The following IL3RA variants were observed in gnomAD, a reference collection of about 807,000 sequenced individuals.
The protein encoded by IL3RA is interleukin-3 receptor subunit alpha.
In IL3RA, 73 loss-of-function variants were observed where a neutral mutation model predicts 52.3. The observed-to-expected ratio is 1.40, with a 90% CI of 1.16 to 1.70. The LOEUF (loss-of-function observed/expected upper bound fraction) is 1.70. IL3RA is among the 40% of genes most tolerant of loss of function. IL3RA has a pLI of 0.00. For missense variants in IL3RA, 664 were observed against 504.4 expected, an observed-to-expected ratio of 1.32 and a Z score of -3.03; for synonymous variants, 260 against 194.0, an observed-to-expected ratio of 1.34 and a Z score of -2.83.
At chrX:1,361,354 A>T (rs750421422) in intron 8 of IL3RA, among the ~76,000 whole-genome samples, 1 of 152,268 alleles carries the variant, frequency 6.6e-6, no homozygotes, top group South Asian at 2.1e-4. Context: ...TAAACAAAAG[A>T]GGGTTCCTGG....
chrX:1,347,438 C>G lies in IL3RA; in HGVS notation c.184-993C>G, dbSNP rs746373636. On this transcript the variant is annotated intron_variant, in intron 3 of 11. Coordinates refer to ENST00000331035, the MANE Select transcript of IL3RA (RefSeq NM_002183.4). ...CCAGCCTGGGCGACAGAGCGAGACT[C>G]TGTCTCAAAAAAACAAAAACAAAAG... Among the ~76,000 whole-genome samples, 53 of 149,952 alleles carry G rather than the reference C, an allele frequency of 3.5e-4. 1 individual carries two copies. Among genetic ancestry groups the G allele is most frequent in the Non-Finnish European group, 6.2e-4 (42 of 67,978 alleles).
At chrX:1,345,233 C>CAAAAAA in intron 2 of IL3RA, 83 bp from the exon 3 acceptor site, 1 of 682,766 alleles carries the variant, frequency 1.5e-6, no homozygotes, top group South Asian at 2.3e-5. Flanking sequence ...ACTCCACGGG[C>CAAAAAA]AAAAAAAAAA....
chrX:1,341,554 ATGTG>A (rs1193931633), intron 1 of IL3RA, among the ~76,000 whole-genome samples, 170 bp from the exon 2 acceptor site: 17 of 16,202 alleles, frequency 1.0e-3, no homozygotes, highest in Non-Finnish European at 2.4e-3. Flanking sequence ...ATGTGCATGC[ATGTG>A]CAAAGGCGCA....
At chrX:1,365,727 G>C (rs1295565445) in intron 9 of IL3RA, among the ~76,000 whole-genome samples, 1 of 34,604 alleles carries the variant, frequency 2.9e-5, no homozygotes, top group South Asian at 1.3e-3. Context: ...CGGGGTGAGC[G>C]GGGTGCGCGG....
chrX:1,355,898 T>C (rs1267359024), intron 6 of IL3RA, among the ~76,000 whole-genome samples: 1 of 151,956 alleles, frequency 6.6e-6, no homozygotes, highest in Non-Finnish European at 1.5e-5. Flanking sequence ...GGGACAAAGA[T>C]GTGCAGCTGC....
intron 8 of IL3RA, among the ~76,000 whole-genome samples, chrX:1,359,125 G>C (rs1216225472): frequency 6.6e-6 from 1 of 151,998 alleles, no homozygotes; most frequent in Admixed American, 6.6e-5. Flanking sequence ...ATTGAGGGAT[G>C]GGAAAAGGAA....
intron 1 of IL3RA, among the ~76,000 whole-genome samples, chrX:1,339,182 C>G (rs1378828038): frequency 6.6e-6 from 1 of 152,052 alleles, no homozygotes; most frequent in African/African-American, 2.4e-5. Context: ...ACAGATTTCC[C>G]AACGTTCTGA....
chrX:1,353,205 T>TAGGACCCCC (rs1569521816), intron 6 of IL3RA, among the ~76,000 whole-genome samples: 3 of 145,394 alleles, frequency 2.1e-5, no homozygotes, highest in Non-Finnish European at 3.0e-5. Context: ...CATCATGGGT[T>TAGGACCCCC]CCATCATGGG....
chrX:1,343,041 C>G (rs1444799877), intron 2 of IL3RA, among the ~76,000 whole-genome samples: 1 of 151,790 alleles, frequency 6.6e-6, no homozygotes, highest in African/African-American at 2.4e-5. Flanking sequence ...CGCCATTGCA[C>G]TCCAGCCTGG....
intron 1 of IL3RA, among the ~76,000 whole-genome samples, chrX:1,338,245 C>T (rs2085376792): frequency 6.7e-6 from 1 of 150,022 alleles, no homozygotes; most frequent in Non-Finnish European, 1.5e-5. Context: ...TCATACCCAT[C>T]TATAGATGAA....
At chrX:1,337,791 G>T (rs1256748624) in intron 1 of IL3RA, among the ~76,000 whole-genome samples, 6 of 145,492 alleles carry the variant, frequency 4.1e-5, no homozygotes, top group African/African-American at 1.0e-4. Flanking sequence ...ATGTGGTCCA[G>T]CCACACAGTG....
chrX:1,354,238 C>G (rs1487256793), intron 6 of IL3RA, among the ~76,000 whole-genome samples: 1 of 152,156 alleles, frequency 6.6e-6, no homozygotes, highest in Non-Finnish European at 1.5e-5. Context: ...CCCAAAGACC[C>G]CACCTTCTAA....
intron 6 of IL3RA, among the ~76,000 whole-genome samples, chrX:1,354,418 A>G (rs1247358519): frequency 4.0e-5 from 6 of 150,108 alleles, no homozygotes; most frequent in African/African-American, 1.5e-4. Flanking sequence ...GATGCTTCAG[A>G]AGAGGAGGGG....
At position 1,382,414 on chromosome X, in the gene IL3RA, C is replaced by G. The variant is rs557264428; in HGVS notation, c.1086C>G (p.Ala362=). ...DKLVVWEAGK[A]GLEECLVTEV... ...AGGTGGTCTGGGAGGCGGGCAAAGC[C>G]GGCCTGGAGGAGTGTCTGGTGACTG... The change falls in exon 12 of 12, where the codon GCC becomes GCG. Residue 362 remains alanine, a synonymous_variant. Coordinates refer to ENST00000331035, the MANE Select transcript of IL3RA (RefSeq NM_002183.4). 11 of 1,613,684 alleles carry G rather than the reference C, an allele frequency of 6.8e-6. No individual in the cohort carries two copies. The highest frequency in any genetic ancestry group is 9.3e-6 in the Non-Finnish European group (11 of 1,179,752).
intron 1 of IL3RA, 28 bp from the exon 2 acceptor site, chrX:1,341,700 C>T (rs374769120): frequency 4.4e-5 from 70 of 1,588,550 alleles, no homozygotes; most frequent in Middle Eastern, 2.0e-4. Flanking sequence ...AGCCAGTCCC[C>T]GCTGCCTGAC....
chrX:1,344,569 T>C (rs1455217352), intron 2 of IL3RA, among the ~76,000 whole-genome samples: 2 of 150,974 alleles, frequency 1.3e-5, no homozygotes, highest in African/African-American at 4.9e-5. Context: ...GGTCAGGAGA[T>C]CGAGACCATC....
At chrX:1,349,766 G>C (rs1244405345) in intron 4 of IL3RA, among the ~76,000 whole-genome samples, 1 of 151,954 alleles carries the variant, frequency 6.6e-6, no homozygotes, top group Admixed American at 6.6e-5. Flanking sequence ...GGGTTCAAGC[G>C]ATTCTCCTGC....
At chrX:1,358,668 TAAAC>T (rs1247459785) in intron 7 of IL3RA, among the ~76,000 whole-genome samples, 189 bp from the exon 8 acceptor site, 7 of 152,158 alleles carry the variant, frequency 4.6e-5, no homozygotes, top group South Asian at 2.1e-4. Flanking sequence ...CATAAATAAA[TAAAC>T]AAACAAACCT....
At chrX:1,364,287 T>A (rs1321561527) in intron 8 of IL3RA, among the ~76,000 whole-genome samples, 48 of 150,112 alleles carry the variant, frequency 3.2e-4, no homozygotes, top group African/African-American at 1.1e-3. Context: ...AGGTTGGGAG[T>A]TCGAGACCAG....
Sources: gnomAD v4.1 joint callset for allele counts (sites outside exome capture counted in the v4.1 genomes callset) on GRCh38, gnomAD v4.1.1 for gene constraint, MANE v1.5 for transcripts, NCBI Gene and HGNC (gene_info 2026-07-23, HGNC 2026-07-21) for gene names.